Variants in PIK3CG observed in about 807,000 individuals in gnomAD.
PIK3CG encodes phosphatidylinositol 4,5-bisphosphate 3-kinase catalytic subunit gamma isoform.
A neutral mutation model predicts 102.3 loss-of-function variants in PIK3CG; 55 were observed. That is an observed-to-expected ratio of 0.54 (90% CI 0.43 to 0.67). The LOEUF is 0.67. PIK3CG is among the 30% of genes least tolerant of loss of function. The pLI is 0.00. For synonymous variants in PIK3CG, 552 were observed against 540.0 expected, an observed-to-expected ratio of 1.02 and a Z score of -0.31; for missense variants, 1,258 against 1,391.8, an observed-to-expected ratio of 0.90 and a Z score of 1.53.
chr7:106,896,514 A>AT (rs1248179507), intron 10 of PIK3CG, among the ~76,000 whole-genome samples: 1 of 152,214 alleles, frequency 6.6e-6, no homozygotes, highest in Non-Finnish European at 1.5e-5. Flanking sequence ...AGCCTGTATA[A>AT]TTACTAAGAA....
At chr7:106,885,987 T>A (rs1168097040) in intron 9 of PIK3CG, 148 bp from the exon 10 acceptor site, 1 of 676,738 alleles carries the variant, frequency 1.5e-6, no homozygotes, top group Non-Finnish European at 2.4e-6. Context: ...TTCACACACC[T>A]GCTAAGACGA....
rs968901399 is a variant in PIK3CG at position 106,890,383 on chromosome 7, G to A, written c.3030+4091G>A. ...TTTTTAGTAGAGACGGGGTTTCACC[G>A]TGTTAACCAGGATGGTCTCAATCTC... On this transcript the variant is annotated intron_variant, in intron 10 of 10. Transcript: ENST00000496166. The surrounding 1 kb of genome is among the most constrained non-coding windows in gnomAD (Gnocchi z 4.2). 5.9e-5 allele frequency among the ~76,000 whole-genome samples: 9 copies of A among 152,164 alleles called. No homozygotes were observed. The highest frequency in any genetic ancestry group is 2.1e-4 in the South Asian group (1 of 4,822).
rs758571386 is a variant in PIK3CG at position 106,869,388 on chromosome 7, A to G, written c.1827A>G (p.Gln609=). The G allele has an allele frequency of 3.1e-6, 5 of 1,614,094 alleles. No homozygotes were observed. Among genetic ancestry groups the G allele is most frequent in the Non-Finnish European group, 4.2e-6 (5 of 1,180,038 alleles). The change falls in exon 2 of 11, where the codon CAA becomes CAG. Residue 609 remains glutamine (Q), a synonymous_variant. Coordinates refer to ENST00000496166, the MANE Select transcript of PIK3CG (RefSeq NM_001282426.2). This position sits in a 1 kb window ranked among gnomAD's most constrained non-coding sequence, Gnocchi z 5.3. ...AAGAAATTGTGGCCAAAACATACCA[A>G]TTGTTGGCCAGAAGGGAAGTCTGGG... ...GQQEIVAKTY[Q]LLARREVWDQ...
intron 6 of PIK3CG, 119 bp from the exon 7 acceptor site, chr7:106,881,998 G>A (rs1297196811): frequency 7.9e-6 from 3 of 379,090 alleles, no homozygotes; most frequent in Non-Finnish European, 1.4e-5. Flanking sequence ...TTACTTATAT[G>A]TTTTACATTT....
At chr7:106,888,853 T>C (rs932904913) in intron 10 of PIK3CG, among the ~76,000 whole-genome samples, 6 of 152,200 alleles carry the variant, frequency 3.9e-5, no homozygotes, top group African/African-American at 1.4e-4. Context: ...TAACCACATA[T>C]ATGATTATTA....
At chr7:106,866,103 A>C (rs1368994710) in intron 1 of PIK3CG, among the ~76,000 whole-genome samples, 2 of 152,258 alleles carry the variant, frequency 1.3e-5, no homozygotes, top group African/African-American at 4.8e-5. Context: ...GGATCAAATG[A>C]AATTTGTCTT....
intron 2 of PIK3CG, among the ~76,000 whole-genome samples, chr7:106,871,573 G>A (rs1584321243): frequency 6.6e-6 from 1 of 152,246 alleles, no homozygotes; most frequent in East Asian, 1.9e-4. Flanking sequence ...TATTCATAAA[G>A]TGTATACTCT....
In PIK3CG at chr7:106,882,884, C is replaced by T. The variant is rs891555737; in HGVS notation, c.2630-149C>T. ...TCCTTTCTATTCCTCATAAGAAAACCAATAGCATAGACCTGGAAAATAGCT... is the reference window on the plus strand; with the variant it reads ...TCCTTTCTATTCCTCATAAGAAAACTAATAGCATAGACCTGGAAAATAGCT... On this transcript the variant is annotated intron_variant, in intron 7 of 10. Coordinates refer to ENST00000496166, the MANE Select transcript of PIK3CG (RefSeq NM_001282426.2). 5 of 584,732 alleles carry T rather than the reference C, an allele frequency of 8.6e-6. No individual in the cohort carries two copies. The African/African-American group carries it at 1.1e-4, about 13-fold the overall frequency. 36.2% of individuals were successfully genotyped at this position (584,732 alleles called of 1,614,324 possible).
chr7:106,873,717 C>CTGTGTGTG (rs143014145), intron 4 of PIK3CG, among the ~76,000 whole-genome samples: 3 of 149,504 alleles, frequency 2.0e-5, no homozygotes, highest in African/African-American at 7.4e-5. Context: ...GACTCTGTAT[C>CTGTGTGTG]TGTGTGTGTG....
chr7:106,902,635 G>A lies in PIK3CG; in HGVS notation c.3031-2474G>A, dbSNP rs1162919641. On this transcript the variant is annotated intron_variant, in intron 10 of 10. Coordinates refer to ENST00000496166, the MANE Select transcript of PIK3CG (RefSeq NM_001282426.2). The surrounding 1 kb of genome is among the most constrained non-coding windows in gnomAD (Gnocchi z 4.3). ...TTAATGAAGTTGCATTTTTTTTGTA[G>A]GTTTATCTGTTTTTATGTCTTACAG... Among the ~76,000 whole-genome samples the A allele has an allele frequency of 1.3e-5, 2 of 150,052 alleles. No individual in the cohort carries two copies. Among genetic ancestry groups the A allele is most frequent in the Non-Finnish European group, 3.0e-5 (2 of 67,544 alleles).
At chr7:106,896,550 C>T (rs1021599728) in intron 10 of PIK3CG, among the ~76,000 whole-genome samples, 1 of 152,042 alleles carries the variant, frequency 6.6e-6, no homozygotes, top group African/African-American at 2.4e-5. Context: ...GTGGGTCCTA[C>T]GGATGAGCAA....
rs1790871190 is a variant in PIK3CG at position 106,879,542 on chromosome 7, C to T, written c.2415C>T (p.Ala805=). ...ALAIEKCKVM[A]SKKKPLWLEF... ...AGATTGAAAAATGTAAAGTAATGGC[C>T]TCCAAGAAAAAACCACTATGGCTTG... The change falls in exon 6 of 11, where the codon GCC becomes GCT. Residue 805 remains alanine (A), a synonymous_variant. Coordinates refer to ENST00000496166, the MANE Select transcript of PIK3CG (RefSeq NM_001282426.2). The surrounding 1 kb of genome is among the most constrained non-coding windows in gnomAD (Gnocchi z 4.9). 1.2e-6 allele frequency: 2 copies of T among 1,613,514 alleles called. No individual in the cohort carries two copies. The highest frequency in any genetic ancestry group is 1.3e-5 in the African/African-American group (1 of 74,856).
intron 4 of PIK3CG, 110 bp downstream of exon 4, chr7:106,873,048 G>T: frequency 1.3e-6 from 1 of 762,384 alleles, no homozygotes. Context: ...CCTCCTGAAG[G>T]CACCAAGAAC....
rs575497574 is a variant in PIK3CG, at chr7:106,906,159, T to C, written c.*772T>C. On this transcript the variant is annotated 3_prime_UTR_variant, in exon 11 of 11. Transcript: ENST00000496166. ...GGAAGTAACTACAGGGCCTCTTTTA[T>C]GCCTGACATTTCTTCCCTTCCTTTT... is the stretch of plus-strand genomic sequence containing the variant. 2 of 228,744 alleles carry C rather than the reference T, an allele frequency of 8.7e-6. No homozygotes were observed. Among genetic ancestry groups the C allele is most frequent in the African/African-American group, 4.5e-5 (2 of 44,840 alleles). The allele number at this position is 228,744 out of a possible 1,614,324, so 14.2% of individuals were successfully genotyped here.
chr7:106,895,806 T>C lies in PIK3CG; in HGVS notation c.3031-9303T>C, dbSNP rs943669218. On this transcript the variant is annotated intron_variant, in intron 10 of 10. Transcript: ENST00000496166. The surrounding 1 kb of genome is among the most constrained non-coding windows in gnomAD (Gnocchi z 5.4). ...ATGAAATGGGTATCATTCTTATTAT[T>C]CTTAATCTATATTTAAAAGAGGTTA... Among the ~76,000 whole-genome samples the C allele has an allele frequency of 6.6e-6, 1 of 152,242 alleles. No individual in the cohort carries two copies. Among genetic ancestry groups the C allele is most frequent in the African/African-American group, 2.4e-5 (1 of 41,456 alleles).
intron 10 of PIK3CG, among the ~76,000 whole-genome samples, chr7:106,896,024 G>A (rs748773092): frequency 2.0e-5 from 3 of 152,224 alleles, no homozygotes; most frequent in Non-Finnish European, 4.4e-5. Flanking sequence ...AGCATGGGAC[G>A]TGCAGTTAAA....
At chr7:106,870,081 T>A (rs1790480468) in intron 2 of PIK3CG, among the ~76,000 whole-genome samples, 1 of 152,204 alleles carries the variant, frequency 6.6e-6, no homozygotes, top group African/African-American at 2.4e-5. Context: ...CTCTTTTCAC[T>A]ACCCCAAATC....
rs764960436 is a variant in PIK3CG at position 106,868,161 on chromosome 7, G to T, written c.600G>T (p.Pro200=). Residue 200 remains proline (P), a synonymous_variant, in exon 2 of 11, where the codon CCG becomes CCT. Coordinates refer to ENST00000496166, the MANE Select transcript of PIK3CG (RefSeq NM_001282426.2). This position sits in a 1 kb window ranked among gnomAD's most constrained non-coding sequence, Gnocchi z 6.2. The stretch of plus-strand genomic sequence containing the variant: ...ACCCCAAGCTCTACGCCATGCACCC[G>T]TGGGTGACGTCCAAGCCCCTCCCGG... ...SRDPKLYAMH[P]WVTSKPLPEY... is the part of the protein sequence containing the mutation. 1 of 1,612,956 alleles carries T rather than the reference G, an allele frequency of 6.2e-7. No individual in the cohort carries two copies. Among genetic ancestry groups the T allele is most frequent in the Admixed American group, 1.7e-5 (1 of 60,032 alleles).
In PIK3CG at chr7:106,868,150, G is replaced by T; in HGVS notation, c.589G>T (p.Ala197Ser). ...GGCCAGCCGCGACCCCAAGCTCTAC[G>T]CCATGCACCCGTGGGTGACGTCCAA... is the stretch of plus-strand genomic sequence containing the variant. ...EVASRDPKLYAMHPWVTSKPL... is the reference protein window; with the variant it reads ...EVASRDPKLYSMHPWVTSKPL... The change falls in exon 2 of 11, where the codon GCC becomes TCC. Residue 197 changes from alanine to serine, a missense_variant. This residue lies in a region of PIK3CG where 832 missense variants were observed against 787.5 expected (regional missense o/e 1.06). Transcript: ENST00000496166. The surrounding 1 kb of genome is among the most constrained non-coding windows in gnomAD (Gnocchi z 6.2). 6.2e-7 allele frequency: 1 copy of T among 1,611,660 alleles called. No homozygotes were observed.
Sources: gnomAD v4.1 joint callset for allele counts (sites outside exome capture counted in the v4.1 genomes callset) on GRCh38, gnomAD v4.1.1 for gene constraint, gnomAD v4.1.1 regional missense constraint, Gnocchi (gnomAD v3.1) non-coding constraint, MANE v1.5 for transcripts, NCBI Gene and HGNC (gene_info 2026-07-23, HGNC 2026-07-21) for gene names.